LRRFIP2: variants seen among roughly 807,000 people sequenced by gnomAD.
LRRFIP2 encodes LRR binding FLII interacting protein 2, also known as leucine-rich repeat flightless-interacting protein 2.
In LRRFIP2, 109 loss-of-function variants were observed where a neutral mutation model predicts 125.9. The observed-to-expected ratio is 0.87, with a 90% CI of 0.74 to 1.01. LRRFIP2 has a LOEUF of 1.01. LRRFIP2 is among the 50% of genes least tolerant of loss of function. The pLI, the probability that LRRFIP2 is intolerant of heterozygous loss-of-function variation, is 0.00. For synonymous variants in LRRFIP2, 291 were observed against 293.1 expected, an observed-to-expected ratio of 0.99 and a Z score of 0.07; for missense variants, 850 against 862.3, an observed-to-expected ratio of 0.99 and a Z score of 0.18.
At chr3:37,054,049 ACTG>A in intron 27 of LRRFIP2, 88 bp from the exon 28 acceptor site, 2 of 833,876 alleles carry the variant, frequency 2.4e-6, no homozygotes, top group Non-Finnish European at 4.2e-6. Flanking sequence ...AAATGAAAGC[ACTG>A]CTAACTGTGA....
chr3:37,145,496 T>C (rs1215246630), intron 2 of LRRFIP2, among the ~76,000 whole-genome samples: 1 of 152,188 alleles, frequency 6.6e-6, no homozygotes, highest in Non-Finnish European at 1.5e-5. Flanking sequence ...TCTGAATTTT[T>C]TTCTCCAAAT....
At chr3:37,093,631 T>C (rs1445841525) in intron 17 of LRRFIP2, among the ~76,000 whole-genome samples, 1 of 152,212 alleles carries the variant, frequency 6.6e-6, no homozygotes, top group African/African-American at 2.4e-5. Flanking sequence ...CCTGCAATGC[T>C]TCCTCTGACT....
chr3:37,168,299 G>A (rs575047202), intron 1 of LRRFIP2, among the ~76,000 whole-genome samples: 7 of 152,118 alleles, frequency 4.6e-5, no homozygotes, highest in Non-Finnish European at 8.8e-5. Context: ...ATCAAAAGAT[G>A]ATTAAACAAT....
intron 6 of LRRFIP2, among the ~76,000 whole-genome samples, chr3:37,118,404 T>C (rs2094887196): frequency 6.6e-6 from 1 of 152,138 alleles, no homozygotes; most frequent in Non-Finnish European, 1.5e-5. Flanking sequence ...TACCTTACTG[T>C]CTTCTTGTAT....
At chr3:37,119,050 T>C (rs2149523181) in intron 6 of LRRFIP2, among the ~76,000 whole-genome samples, 1 of 152,362 alleles carries the variant, frequency 6.6e-6, no homozygotes, top group East Asian at 1.9e-4. Context: ...ATATTTCTTT[T>C]AAATGAAATT....
chr3:37,095,223 G>T, intron 16 of LRRFIP2, among the ~76,000 whole-genome samples: 1 of 152,344 alleles, frequency 6.6e-6, no homozygotes, highest in South Asian at 2.1e-4. Flanking sequence ...CAATACTTAA[G>T]TGAGCACATC....
chr3:37,167,304 A>T (rs768927949), intron 1 of LRRFIP2, among the ~76,000 whole-genome samples: 28 of 151,872 alleles, frequency 1.8e-4, no homozygotes, highest in Non-Finnish European at 3.8e-4. Flanking sequence ...GTGAAATACC[A>T]CCCTATTAGA....
intron 17 of LRRFIP2, among the ~76,000 whole-genome samples, chr3:37,092,076 G>A (rs1312140672): frequency 2.0e-5 from 3 of 152,140 alleles, no homozygotes; most frequent in Non-Finnish European, 4.4e-5. Context: ...AGTAAAGGGA[G>A]GGAAGTTAAA....
At chr3:37,148,385 C>G (rs2095914403) in intron 2 of LRRFIP2, among the ~76,000 whole-genome samples, 1 of 152,160 alleles carries the variant, frequency 6.6e-6, no homozygotes, top group Non-Finnish European at 1.5e-5. Context: ...CAGGGATTAT[C>G]TGGCAAGCCA....
intron 21 of LRRFIP2, among the ~76,000 whole-genome samples, chr3:37,070,183 A>G (rs1242318124): frequency 2.7e-5 from 4 of 147,690 alleles, no homozygotes; most frequent in Non-Finnish European, 5.9e-5. Flanking sequence ...ACATGATCTC[A>G]GCTCACTGCA....
chr3:37,112,961 G>A lies in LRRFIP2; in HGVS notation c.392C>T (p.Ser131Phe), dbSNP rs2094604606. 1.3e-6 allele frequency: 2 copies of A among 1,580,086 alleles called. No individual in the cohort carries two copies. Among genetic ancestry groups the A allele is most frequent in the Non-Finnish European group, 1.7e-6 (2 of 1,153,776 alleles). Residue 131 changes from serine to phenylalanine, a missense_variant, in exon 8 of 28, where the codon TCT becomes TTT. Ser to Phe is a radical substitution (Grantham distance 155). Transcript: ENST00000336686. ...AGAAGACCTCTTCTTCATTCCATGAGAGTGACTGTAAGAATGATTCTGGAA... is the reference window on the plus strand; with the variant it reads ...AGAAGACCTCTTCTTCATTCCATGAAAGTGACTGTAAGAATGATTCTGGAA... The part of the protein sequence containing the change: ...LSSLNHSYSH[S>F]HGMKKRSSDS...
intron 6 of LRRFIP2, among the ~76,000 whole-genome samples, chr3:37,116,977 T>G (rs1559918833): frequency 6.6e-6 from 1 of 152,066 alleles, no homozygotes; most frequent in Non-Finnish European, 1.5e-5. Context: ...TAACAAAATC[T>G]TGTTACAAAA....
rs757731411 is a variant in LRRFIP2 at position 37,054,503 on chromosome 3, C to T, written c.1963G>A (p.Glu655Lys). 16 of 1,613,462 alleles carry T rather than the reference C, an allele frequency of 9.9e-6. No homozygotes were observed. In the East Asian group the frequency reaches 3.6e-4, roughly 36 times the overall value. ...TTLEQSISRLEGQVLRYKTAA... is the reference protein window; with the variant it reads ...TTLEQSISRLKGQVLRYKTAA... Reference sequence around the variant, plus strand: ...GTTTTATATCTCAGAACCTGTCCCTCAAGCCGGCTAATCTGTAAGTATGAG... The same window carrying T: ...GTTTTATATCTCAGAACCTGTCCCTTAAGCCGGCTAATCTGTAAGTATGAG... Residue 655 changes from glutamate to lysine, a missense_variant, in exon 27 of 28, where the codon GAG becomes AAG. Glu to Lys is a moderately conservative substitution (Grantham distance 56). Coordinates refer to ENST00000336686, the MANE Select transcript of LRRFIP2 (RefSeq NM_006309.4).
chr3:37,094,964 G>A, intron 16 of LRRFIP2, 56 bp from the exon 17 acceptor site: 2 of 1,158,520 alleles, frequency 1.7e-6, no homozygotes, highest in Non-Finnish European at 2.6e-6. Context: ...TATGTTTGCT[G>A]TGGAAACTAA....
intron 4 of LRRFIP2, among the ~76,000 whole-genome samples, chr3:37,123,170 TTTGTTG>T (rs113012823): frequency 0.011 from 1,637 of 151,036 alleles, 14 homozygotes; most frequent in Non-Finnish European, 0.017. Context: ...CTGATTTACA[TTTGTTG>T]TTGTTGTTGT....
chr3:37,091,639 G>T, intron 17 of LRRFIP2, 101 bp from the exon 18 acceptor site: 1 of 771,710 alleles, frequency 1.3e-6, no homozygotes, highest in South Asian at 2.0e-5. Flanking sequence ...GTATATTCCA[G>T]ACTAAAAGCA....
intron 2 of LRRFIP2, among the ~76,000 whole-genome samples, chr3:37,131,646 T>C (rs2095431248): frequency 6.6e-6 from 1 of 152,218 alleles, no homozygotes; most frequent in East Asian, 1.9e-4. Context: ...TGTTGTTATA[T>C]TCGTGCCCAA....
intron 12 of LRRFIP2, 52 bp downstream of exon 12, chr3:37,108,585 G>C: frequency 7.0e-7 from 1 of 1,432,688 alleles, no homozygotes; most frequent in East Asian, 2.3e-5. Flanking sequence ...AAAGTAAACT[G>C]TGCCCACCCA....
chr3:37,153,251 C>CT, intron 1 of LRRFIP2, among the ~76,000 whole-genome samples: 1 of 152,114 alleles, frequency 6.6e-6, no homozygotes, highest in Middle Eastern at 3.4e-3. Flanking sequence ...ATTAGCCAGG[C>CT]ATGGTGGCAC....
Sources: gnomAD v4.1 joint callset for allele counts (sites outside exome capture counted in the v4.1 genomes callset) on GRCh38, gnomAD v4.1.1 for gene constraint, MANE v1.5 for transcripts, NCBI Gene and HGNC (gene_info 2026-07-23, HGNC 2026-07-21) for gene names.